The following ARHGAP10 variants were observed in gnomAD, a reference collection of about 807,000 sequenced individuals.
The protein encoded by ARHGAP10 is rho GTPase-activating protein 10.
Under a neutral mutation model 108.6 loss-of-function variants are expected in ARHGAP10, and 87 were observed. That is an observed-to-expected ratio of 0.80 (90% CI 0.67 to 0.96). The LOEUF (loss-of-function observed/expected upper bound fraction) is 0.96, where lower values mean the gene tolerates loss of function less well. Ranked by LOEUF, ARHGAP10 falls within the 40% of genes least tolerant of loss-of-function variation. ARHGAP10 has a pLI of 0.00. For synonymous variants in ARHGAP10, 347 were observed against 341.1 expected, an observed-to-expected ratio of 1.02 and a Z score of -0.19; for missense variants, 939 against 954.5, an observed-to-expected ratio of 0.98 and a Z score of 0.21.
Position 147,732,183 on chromosome 4 carries a change from C to G in ARHGAP10, c.-119C>G, listed in dbSNP as rs766008354. On this transcript the variant is annotated 5_prime_UTR_variant, in exon 1 of 23. Transcript: ENST00000336498. ...GTCCGTGCCGCGCTCGCCGCGCGCC[C>G]GGGCCTGCTAGCTCCTCTGTGCTCC... 1.9e-6 allele frequency: 2 copies of G among 1,051,972 alleles called. No homozygotes were observed. Among genetic ancestry groups the G allele is most frequent in the African/African-American group, 1.7e-5 (1 of 58,904 alleles). The allele number at this position is 1,051,972 out of a possible 1,614,324, so 65.2% of individuals were successfully genotyped here. A position where few individuals can be genotyped will look rare whatever the true frequency, so the allele number is the denominator to read the frequency against.
At chr4:147,759,540 T>A (rs2126703343) in intron 1 of ARHGAP10, among the ~76,000 whole-genome samples, 1 of 150,470 alleles carries the variant, frequency 6.6e-6, no homozygotes, top group African/African-American at 2.5e-5. Context: ...TGCCTGTGAG[T>A]AGCCACCACA....
intron 1 of ARHGAP10, among the ~76,000 whole-genome samples, chr4:147,769,530 T>C (rs918752918): frequency 1.3e-5 from 2 of 152,222 alleles, no homozygotes; most frequent in African/African-American, 2.4e-5. Flanking sequence ...TAACTGACAT[T>C]GTTTCCCGGG....
intron 13 of ARHGAP10, among the ~76,000 whole-genome samples, chr4:147,924,756 C>T (rs1432476631): frequency 1.3e-5 from 2 of 152,290 alleles, no homozygotes; most frequent in African/African-American, 2.4e-5. Context: ...CCTGTAACCT[C>T]TCTGTGTCTT....
At chr4:147,912,981 G>T in intron 12 of ARHGAP10, 93 bp from the exon 13 acceptor site, 1 of 1,250,638 alleles carries the variant, frequency 8.0e-7, no homozygotes, top group Non-Finnish European at 1.1e-6. Context: ...CTAAAAATTA[G>T]TTTGGATTTA....
chr4:147,966,232 C>T (rs1739196375), intron 17 of ARHGAP10, among the ~76,000 whole-genome samples: 1 of 152,206 alleles, frequency 6.6e-6, no homozygotes. Context: ...GCAAGATTAG[C>T]ACATACAGTT....
rs1323589646 is a variant in ARHGAP10 at position 148,025,149 on chromosome 4, T to C, written c.1867+1736T>C. Among the ~76,000 whole-genome samples, 3 of 152,224 alleles carry C rather than the reference T, an allele frequency of 2.0e-5. No individual in the cohort carries two copies. In the East Asian group the frequency reaches 5.8e-4, roughly 29 times the overall value. ...GTAGTGGTATTTAGCATATCTCTTA[T>C]GGGAACACTCAAGCTAGTGTACAAT... is the stretch of plus-strand genomic sequence containing the variant. On this transcript the variant is annotated intron_variant, in intron 19 of 22. Coordinates refer to ENST00000336498, the MANE Select transcript of ARHGAP10 (RefSeq NM_024605.4).
intron 1 of ARHGAP10, among the ~76,000 whole-genome samples, chr4:147,762,004 T>C (rs1042607011): frequency 6.6e-6 from 1 of 152,190 alleles, no homozygotes; most frequent in African/African-American, 2.4e-5. Context: ...ATTCATTCCC[T>C]CTTTTTTTAT....
At chr4:148,037,459 A>G (rs1728430616) in intron 19 of ARHGAP10, among the ~76,000 whole-genome samples, 1 of 152,280 alleles carries the variant, frequency 6.6e-6, no homozygotes, top group Non-Finnish European at 1.5e-5. Context: ...GCAGGGAGTA[A>G]GTAGGATACT....
At chr4:147,910,422 C>T (rs1159277103) in intron 12 of ARHGAP10, among the ~76,000 whole-genome samples, 1 of 151,938 alleles carries the variant, frequency 6.6e-6, no homozygotes, top group Non-Finnish European at 1.5e-5. Flanking sequence ...ATAAGAGTTT[C>T]AAGTATGCAA....
chr4:147,990,315 C>G (rs559561523), intron 18 of ARHGAP10, among the ~76,000 whole-genome samples: 17 of 152,278 alleles, frequency 1.1e-4, no homozygotes, highest in Middle Eastern at 3.4e-3. Context: ...AACATCCTAC[C>G]TAACTAAACA....
chr4:147,966,125 G>T (rs1016986826), intron 17 of ARHGAP10, among the ~76,000 whole-genome samples: 1 of 152,226 alleles, frequency 6.6e-6, no homozygotes, highest in African/African-American at 2.4e-5. Flanking sequence ...AAGGTGCTAC[G>T]CAGTCTAGTA....
In ARHGAP10 at chr4:147,955,313, C is replaced by T. The variant is rs1180278526; in HGVS notation, c.1392-3C>T. ...ATAATTCTGAGCTGTTCTTTTCACA[C>T]AGGAGTCTTCCAGAGCCTCTCATGA... On this transcript the variant is annotated splice_region_variant and splice_polypyrimidine_tract_variant and intron_variant, in intron 15 of 22. Coordinates refer to ENST00000336498, the MANE Select transcript of ARHGAP10 (RefSeq NM_024605.4). The T allele has an allele frequency of 6.2e-7, 1 of 1,609,494 alleles. No individual in the cohort carries two copies. The highest frequency in any genetic ancestry group is 8.5e-7 in the Non-Finnish European group (1 of 1,176,954).
chr4:147,795,613 A>C (rs940829714), intron 1 of ARHGAP10, among the ~76,000 whole-genome samples: 2 of 152,070 alleles, frequency 1.3e-5, no homozygotes, highest in African/African-American at 4.8e-5. Context: ...GGTACGTAGT[A>C]GGTGCTCAGT....
intron 1 of ARHGAP10, among the ~76,000 whole-genome samples, chr4:147,814,383 G>T (rs745702053): frequency 2.0e-5 from 3 of 152,002 alleles, no homozygotes; most frequent in Non-Finnish European, 4.4e-5. Flanking sequence ...GTAACTGTTG[G>T]CTTTGATTGG....
intron 12 of ARHGAP10, among the ~76,000 whole-genome samples, chr4:147,911,754 G>A (rs1226984975): frequency 2.6e-5 from 4 of 152,000 alleles, no homozygotes; most frequent in African/African-American, 9.7e-5. Context: ...ATTAGAAAAA[G>A]TATAAAAATT....
chr4:147,898,898 C>G (rs1420125389), intron 10 of ARHGAP10, among the ~76,000 whole-genome samples: 1 of 152,208 alleles, frequency 6.6e-6, no homozygotes, highest in East Asian at 1.9e-4. Flanking sequence ...AACTCAATCA[C>G]TATCAGGAGA....
chr4:147,892,946 G>A (rs1292922412), intron 10 of ARHGAP10, among the ~76,000 whole-genome samples: 1 of 152,216 alleles, frequency 6.6e-6, no homozygotes, highest in African/African-American at 2.4e-5. Context: ...GCAGGCTTCT[G>A]CAACAAAACA....
intron 7 of ARHGAP10, among the ~76,000 whole-genome samples, chr4:147,867,592 A>G (rs1037525651): frequency 4.6e-5 from 7 of 152,100 alleles, no homozygotes. Flanking sequence ...TGGGCCGGGC[A>G]CAGTGGTTCA....
chr4:147,877,780 A>G (rs956646134), intron 8 of ARHGAP10, among the ~76,000 whole-genome samples: 7 of 147,212 alleles, frequency 4.8e-5, no homozygotes, highest in Admixed American at 4.7e-4. Context: ...ATACTTGGAC[A>G]GTCACTCCTA....
Sources: gnomAD v4.1 joint callset for allele counts (sites outside exome capture counted in the v4.1 genomes callset) on GRCh38, gnomAD v4.1.1 for gene constraint, MANE v1.5 for transcripts, NCBI Gene and HGNC (gene_info 2026-07-23, HGNC 2026-07-21) for gene names.